GABBR2: variants seen among roughly 807,000 people sequenced by gnomAD.
The protein encoded by GABBR2 is G-protein coupled receptor 51.
In GABBR2, 23 loss-of-function variants were observed where a neutral mutation model predicts 105.6. That is an observed-to-expected ratio of 0.22 (90% CI 0.16 to 0.31). The LOEUF is 0.31. GABBR2 is among the 10% of genes least tolerant of loss of function. The probability of loss-of-function intolerance (pLI) is 1.00; values close to 1 mark genes in which losing one functional copy is unlikely to be tolerated. For missense variants in GABBR2, 734 were observed against 1,245.5 expected (o/e 0.59, Z 6.18); for synonymous variants, 478 against 499.7 (o/e 0.96, Z 0.58).
In GABBR2 at chr9:98,453,435, A is replaced by G. The variant is rs556700761; in HGVS notation, c.1236+546T>C. Among the ~76,000 whole-genome samples, 5 of 152,366 alleles carry G rather than the reference A, an allele frequency of 3.3e-5. 1 individual carries two copies. The South Asian group carries it at 1.0e-3, about 32-fold the overall frequency. On this transcript the variant is annotated intron_variant, in intron 7 of 18. Transcript: ENST00000259455. ...ATGCATCATAGTCAATCTGCTTAAG[A>G]GACTGCAGAGACAGAAAGATGGTCA...
intron 13 of GABBR2, among the ~76,000 whole-genome samples, chr9:98,359,854 TG>T (rs756138253): frequency 6.6e-6 from 1 of 152,086 alleles, no homozygotes; most frequent in Non-Finnish European, 1.5e-5. Flanking sequence ...GAGTCCTGAC[TG>T]GGGAATGTTT....
intron 2 of GABBR2, among the ~76,000 whole-genome samples, chr9:98,562,280 T>C (rs972688373): frequency 6.6e-6 from 1 of 152,142 alleles, no homozygotes; most frequent in African/African-American, 2.4e-5. Context: ...TTGGGTTTTC[T>C]GAAAAAAAAG....
At chr9:98,301,550 T>C (rs553200725) in intron 16 of GABBR2, among the ~76,000 whole-genome samples, 1 of 152,184 alleles carries the variant, frequency 6.6e-6, no homozygotes, top group Non-Finnish European at 1.5e-5. Flanking sequence ...CACGTTTTCA[T>C]GTGGAGGAGG....
At chr9:98,291,854 G>A (rs745925950) in intron 18 of GABBR2, among the ~76,000 whole-genome samples, 1 of 152,176 alleles carries the variant, frequency 6.6e-6, no homozygotes, top group South Asian at 2.1e-4. Context: ...TCTCTGCTAG[G>A]AGAACCCTTC....
intron 9 of GABBR2, among the ~76,000 whole-genome samples, chr9:98,393,069 TC>T (rs1832216964): frequency 1.6e-5 from 2 of 122,366 alleles, no homozygotes; most frequent in Admixed American, 1.8e-4. Context: ...CATCCATCCA[TC>T]CACACACCCA....
intron 1 of GABBR2, among the ~76,000 whole-genome samples, chr9:98,685,729 G>C (rs577224772): frequency 6.6e-6 from 1 of 152,256 alleles, no homozygotes; most frequent in East Asian, 1.9e-4. Context: ...ATCTCACTCT[G>C]TTGCCCAGGC....
At chr9:98,585,036 A>G (rs556528867) in intron 1 of GABBR2, among the ~76,000 whole-genome samples, 16 of 152,252 alleles carry the variant, frequency 1.1e-4, no homozygotes, top group Admixed American at 8.5e-4. Flanking sequence ...TAGCACTTCC[A>G]ATCATCCCCA....
At chr9:98,636,731 C>T (rs184538858) in intron 1 of GABBR2, among the ~76,000 whole-genome samples, 76 of 152,072 alleles carry the variant, frequency 5.0e-4, no homozygotes, top group African/African-American at 1.8e-3. Context: ...TGAGCTCAGG[C>T]AATCTGCCCA....
At chr9:98,653,850 T>G (rs926502498) in intron 1 of GABBR2, among the ~76,000 whole-genome samples, 6 of 152,210 alleles carry the variant, frequency 3.9e-5, no homozygotes, top group African/African-American at 1.2e-4. Flanking sequence ...AGTCCTCGTA[T>G]TTAGTGGATG....
intron 12 of GABBR2, among the ~76,000 whole-genome samples, chr9:98,367,100 T>C (rs1334284051): frequency 6.6e-6 from 1 of 151,998 alleles, no homozygotes; most frequent in Non-Finnish European, 1.5e-5. Flanking sequence ...AGCCTTCTTT[T>C]GCTTTAATGC....
chr9:98,481,119 G>A, intron 4 of GABBR2, 122 bp from the exon 5 acceptor site: 1 of 724,276 alleles, frequency 1.4e-6, no homozygotes, highest in Admixed American at 1.9e-5. Flanking sequence ...TGCCTGGGAA[G>A]GTGGGCAGGG....
rs1316816436 is a variant in GABBR2 at position 98,671,567 on chromosome 9, G to A, written c.321+36850C>T. On this transcript the variant is annotated intron_variant, in intron 1 of 18. Transcript: ENST00000259455. The stretch of plus-strand genomic sequence containing the variant: ...TGACTCTATGTTTAATCATTTAAGC[G>A]ACTGCCAGACTGTTTTCCAAAGACC... 4.6e-5 allele frequency among the ~76,000 whole-genome samples: 7 copies of A among 152,134 alleles called. No individual in the cohort carries two copies. In the East Asian group the frequency reaches 5.8e-4, roughly 13 times the overall value.
intron 7 of GABBR2, among the ~76,000 whole-genome samples, chr9:98,447,847 G>A (rs1255575479): frequency 6.6e-6 from 1 of 151,840 alleles, no homozygotes; most frequent in Non-Finnish European, 1.5e-5. Flanking sequence ...TAGGGGGTGG[G>A]GGGAGCATTT....
Position 98,436,392 on chromosome 9 carries a change from T to TAGATAG in GABBR2, c.1236+17588_1236+17589insCTATCT, listed in dbSNP as rs1564068329. ...ATATATATATATATATATATATATA[T>TAGATAG]ATATATATATATATAGTATGGCGTT... On this transcript the variant is annotated intron_variant, in intron 7 of 18. Transcript: ENST00000259455. Among the ~76,000 whole-genome samples, 13 of 48,538 alleles carry TAGATAG rather than the reference T, an allele frequency of 2.7e-4. 1 individual carries two copies. Among genetic ancestry groups the TAGATAG allele is most frequent in the African/African-American group, 1.0e-3 (13 of 12,420 alleles). The allele number at this position is 48,538 out of a possible 152,430, so 31.8% of individuals were successfully genotyped here.
chr9:98,602,763 C>T (rs974543574), intron 1 of GABBR2, among the ~76,000 whole-genome samples: 5 of 152,156 alleles, frequency 3.3e-5, no homozygotes, highest in African/African-American at 9.7e-5. Flanking sequence ...CGGAGATGCT[C>T]GGTTTCTTTT....
chr9:98,298,857 T>C (rs890722112), intron 17 of GABBR2, among the ~76,000 whole-genome samples: 2 of 152,226 alleles, frequency 1.3e-5, no homozygotes, highest in African/African-American at 4.8e-5. Flanking sequence ...TGATGAGGTG[T>C]GTTTGAAACT....
At chr9:98,530,072 G>C (rs894201595) in intron 3 of GABBR2, among the ~76,000 whole-genome samples, 2 of 152,192 alleles carry the variant, frequency 1.3e-5, no homozygotes, top group Non-Finnish European at 2.9e-5. Flanking sequence ...GAATGTACCA[G>C]AATAGCTCTA....
intron 1 of GABBR2, among the ~76,000 whole-genome samples, chr9:98,585,519 A>T (rs1041245470): frequency 5.3e-5 from 8 of 150,496 alleles, no homozygotes; most frequent in Non-Finnish European, 1.0e-4. Context: ...GAGGGATAGC[A>T]TTAGGAGATA....
chr9:98,502,408 G>A (rs1456687877), intron 3 of GABBR2, among the ~76,000 whole-genome samples: 1 of 152,172 alleles, frequency 6.6e-6, no homozygotes. Context: ...CAGAACAGCT[G>A]CCAGAGGACG....
Sources: allele counts gnomAD v4.1 joint callset (sites outside exome capture counted in the v4.1 genomes callset), GRCh38; gene constraint gnomAD v4.1.1; transcripts MANE v1.5; gene names NCBI Gene and HGNC (gene_info 2026-07-23, HGNC 2026-07-21).